The following FGF13 variants were observed in gnomAD, a reference collection of about 807,000 sequenced individuals.
The protein encoded by FGF13 is fibroblast growth factor 13.
FGF13 carries 2 observed loss-of-function variants against 19.5 expected under a neutral mutation model. The ratio of observed to expected loss-of-function variants is 0.10; its 90% CI spans 0.04 to 0.32. The LOEUF (loss-of-function observed/expected upper bound fraction) is 0.32, where lower values mean the gene tolerates loss of function less well. Ranked by LOEUF, FGF13 falls within the 10% of genes least tolerant of loss-of-function variation. The probability of loss-of-function intolerance (pLI) is 1.00; values close to 1 mark genes in which losing one functional copy is unlikely to be tolerated. For missense variants in FGF13, 113 were observed against 192.7 expected (o/e 0.59, Z 2.45); for synonymous variants, 72 against 76.9 (o/e 0.94, Z 0.33).
intron 3 of FGF13, among the ~76,000 whole-genome samples, chrX:138,780,582 T>C (rs754913390): frequency 1.1e-3 from 96 of 90,351 alleles, no homozygotes; most frequent in African/African-American, 3.7e-3. Context: ...CATTACATAA[T>C]GGTAAAGGGA....
At chrX:138,732,775 C>T (rs1205090795) in intron 1 of FGF13, among the ~76,000 whole-genome samples, 2 of 110,939 alleles carry the variant, frequency 1.8e-5, no homozygotes, top group East Asian at 5.6e-4. Context: ...AAAAGCAATA[C>T]ACAACTGCTT....
intron 1 of FGF13, among the ~76,000 whole-genome samples, chrX:138,984,391 G>A (rs867360626): frequency 7.0e-5 from 1 of 14,386 alleles, no homozygotes; most frequent in Non-Finnish European, 4.3e-4. Context: ...CTCCAGCCTG[G>A]GCGGCAGAGT....
intron 1 of FGF13, among the ~76,000 whole-genome samples, chrX:138,709,206 C>A (rs1365469564): frequency 8.9e-6 from 1 of 112,428 alleles, no homozygotes; most frequent in African/African-American, 3.2e-5. Flanking sequence ...GGAACTCTAT[C>A]TCACTGAGTA....
chrX:139,156,926 A>G (rs922810965), intron 1 of FGF13, among the ~76,000 whole-genome samples: 6 of 111,796 alleles, frequency 5.4e-5, no homozygotes, highest in Non-Finnish European at 3.8e-5. Flanking sequence ...AACATCAGAA[A>G]GTCATCTGAG....
At chrX:138,970,863 G>A (rs2091912784) in intron 1 of FGF13, among the ~76,000 whole-genome samples, 1 of 111,253 alleles carries the variant, frequency 9.0e-6, no homozygotes, top group African/African-American at 3.3e-5. Context: ...ATAGATAAAT[G>A]TTACACTTCG....
rs977381535 is a variant in FGF13 at position 138,622,857 on chromosome X, T to C, written c.*9993A>G. On this transcript the variant is annotated 3_prime_UTR_variant, in exon 5 of 5. Coordinates refer to ENST00000315930, the MANE Select transcript of FGF13 (RefSeq NM_004114.5). The stretch of plus-strand genomic sequence containing the variant: ...TTTGATAGGGCTTGCATTGACTCTG[T>C]AGATCACTTTAGTTAGTATTAACAT... 1 of 112,107 alleles carries C rather than the reference T, an allele frequency of 8.9e-6. No homozygotes were observed. Among genetic ancestry groups the C allele is most frequent in the Non-Finnish European group, 1.9e-5 (1 of 53,206 alleles). 9.2% of individuals were successfully genotyped at this position (112,107 alleles called of 1,213,427 possible). A position where few individuals can be genotyped will look rare whatever the true frequency, so the allele number is the denominator to read the frequency against.
intron 3 of FGF13, among the ~76,000 whole-genome samples, chrX:138,801,749 G>A (rs1006168613): frequency 1.8e-5 from 2 of 112,217 alleles, no homozygotes; most frequent in African/African-American, 6.5e-5. Context: ...CCCCTGACTG[G>A]GGCTACTGCC....
chrX:138,860,921 A>G (rs2091285174), intron 2 of FGF13, among the ~76,000 whole-genome samples: 1 of 112,539 alleles, frequency 8.9e-6, no homozygotes, highest in Admixed American at 9.4e-5. Flanking sequence ...TCACAGGAGT[A>G]GTGCAGAGTA....
At chrX:138,823,290 G>A (rs1000571570) in intron 3 of FGF13, among the ~76,000 whole-genome samples, 3 of 111,303 alleles carry the variant, frequency 2.7e-5, no homozygotes, top group Admixed American at 1.9e-4. Flanking sequence ...GCCCGCCTGC[G>A]CACTAGGAGG....
At chrX:138,788,400 AC>A (rs1381638698) in intron 3 of FGF13, among the ~76,000 whole-genome samples, 1 of 112,092 alleles carries the variant, frequency 8.9e-6, no homozygotes, top group Non-Finnish European at 1.9e-5. Flanking sequence ...CAACTTCTGG[AC>A]CCACTGGGGT....
intron 1 of FGF13, among the ~76,000 whole-genome samples, chrX:139,007,972 G>A (rs2124369862): frequency 8.9e-6 from 1 of 112,957 alleles, no homozygotes. Context: ...GTGGGAGTGA[G>A]ACTGGCCTTT....
At chrX:138,814,359 T>C (rs1602901303) in intron 3 of FGF13, among the ~76,000 whole-genome samples, 1 of 110,248 alleles carries the variant, frequency 9.1e-6, no homozygotes, top group East Asian at 2.9e-4. Context: ...GGTGTTGGGA[T>C]TGCATCAAAC....
intron 2 of FGF13, chrX:138,857,783 C>T (rs2091267260): frequency 1.4e-6 from 1 of 704,334 alleles, no homozygotes; most frequent in African/African-American, 2.2e-5. Flanking sequence ...AAACAACAGC[C>T]CTAAGAAAAG....
At chrX:139,195,718 A>G (rs1248363580) in intron 1 of FGF13, among the ~76,000 whole-genome samples, 3 of 112,725 alleles carry the variant, frequency 2.7e-5, no homozygotes, top group Non-Finnish European at 3.7e-5. Context: ...ATGATTCCCA[A>G]CTTCGAGAAC....
chrX:138,980,688 T>G lies in FGF13; in HGVS notation c.-112-116038A>C, dbSNP rs971102464. ...TCCAGAAGTGTGGTTTTTTTTTTTT[T>G]TTTTTTTTTGCATTAATGGCAAGGA... On this transcript the variant is annotated intron_variant, in intron 1 of 2. Transcript: ENST00000421460. Among the ~76,000 whole-genome samples the G allele has an allele frequency of 3.6e-4, 39 of 107,883 alleles. 4 individuals carry two copies. The highest frequency in any genetic ancestry group is 3.1e-3 in the Admixed American group (31 of 9,971). The allele number at this position is 107,883 out of a possible 115,157, so 93.7% of individuals were successfully genotyped here. A position where few individuals can be genotyped will look rare whatever the true frequency, so the allele number is the denominator to read the frequency against.
intron 3 of FGF13, among the ~76,000 whole-genome samples, chrX:138,782,769 C>T (rs761332827): frequency 1.4e-4 from 14 of 100,670 alleles, no homozygotes; most frequent in Admixed American, 5.6e-4. Flanking sequence ...ATGCCATCCC[C>T]ATCAAGCTAC....
intron 1 of FGF13, among the ~76,000 whole-genome samples, chrX:138,964,867 TC>T (rs1007261557): frequency 1.8e-5 from 2 of 110,948 alleles, no homozygotes; most frequent in African/African-American, 3.3e-5. Context: ...AGAGATCCAC[TC>T]CCATGGCCCA....
intron 1 of FGF13, among the ~76,000 whole-genome samples, chrX:139,028,609 G>GTGTGTGTA (rs2092210779): frequency 1.9e-5 from 1 of 53,101 alleles, no homozygotes; most frequent in Non-Finnish European, 3.4e-5. Flanking sequence ...GTGTGTGTGT[G>GTGTGTGTA]TGTGTGTGAG....
At chrX:138,921,193 G>A (rs2091642993) in intron 1 of FGF13, among the ~76,000 whole-genome samples, 1 of 111,467 alleles carries the variant, frequency 9.0e-6, no homozygotes, top group East Asian at 2.8e-4. Context: ...TACATCAAAA[G>A]CAATCTCTAC....
Sources: allele counts gnomAD v4.1 joint callset (sites outside exome capture counted in the v4.1 genomes callset), GRCh38; gene constraint gnomAD v4.1.1; transcripts MANE v1.5; gene names NCBI Gene and HGNC (gene_info 2026-07-23, HGNC 2026-07-21).